Variants in SMURF1 observed in about 807,000 individuals in gnomAD.
SMURF1 encodes E3 ubiquitin-protein ligase SMURF1.
A neutral mutation model predicts 98.0 loss-of-function variants in SMURF1; 44 were observed. The observed-to-expected ratio is 0.45, with a 90% confidence interval of 0.35 to 0.58. The LOEUF is 0.58. SMURF1 is among the 20% of genes least tolerant of loss of function. SMURF1 has a pLI of 0.00. For synonymous variants in SMURF1, 396 were observed against 374.9 expected (o/e 1.06, Z -0.65); for missense variants, 687 against 938.4 (o/e 0.73, Z 3.50).
At chr7:99,098,387 G>GA (rs917829497) in intron 1 of SMURF1, among the ~76,000 whole-genome samples, 7 of 151,406 alleles carry the variant, frequency 4.6e-5, no homozygotes, top group Admixed American at 1.3e-4. Context: ...GGCTGGGAGG[G>GA]AAAAAAAATG....
chr7:99,083,137 T>C (rs1259154495), intron 1 of SMURF1, among the ~76,000 whole-genome samples: 1 of 152,178 alleles, frequency 6.6e-6, no homozygotes, highest in African/African-American at 2.4e-5. Flanking sequence ...CTATAATTGA[T>C]TGTGGTGACG....
chr7:99,038,698 G>A (rs1166818513), intron 13 of SMURF1, among the ~76,000 whole-genome samples, 173 bp from the exon 14 acceptor site: 6 of 152,172 alleles, frequency 3.9e-5, no homozygotes, highest in Admixed American at 3.9e-4. Context: ...AGGACCCTGA[G>A]ACCACAGCTC....
intron 1 of SMURF1, among the ~76,000 whole-genome samples, chr7:99,133,570 T>C (rs1797921882): frequency 6.6e-6 from 1 of 152,126 alleles, no homozygotes; most frequent in Non-Finnish European, 1.5e-5. Flanking sequence ...AAAATGTAAA[T>C]TGGTATAACC....
At chr7:99,085,676 T>C (rs1367048827) in intron 1 of SMURF1, among the ~76,000 whole-genome samples, 1 of 152,196 alleles carries the variant, frequency 6.6e-6, no homozygotes, top group Non-Finnish European at 1.5e-5. Flanking sequence ...TTTTGACAAA[T>C]GTAGAATGAC....
Position 99,127,699 on chromosome 7 carries a change from C to T in SMURF1, c.55+16027G>A, listed in dbSNP as rs191061723. Among the ~76,000 whole-genome samples the T allele has an allele frequency of 1.8e-4, 28 of 152,190 alleles. No homozygotes were observed. The East Asian group carries it at 4.6e-3, about 25-fold the overall frequency. On this transcript the variant is annotated intron_variant, in intron 1 of 17. Transcript: ENST00000361368. ...CTAAAATAATGTTTAGGCTTTGAGA[C>T]ATGCACTTCAAATTAACAAGTTGGG...
intron 1 of SMURF1, among the ~76,000 whole-genome samples, chr7:99,128,533 G>GT (rs1563042058): frequency 1.3e-5 from 2 of 152,154 alleles, no homozygotes; most frequent in Non-Finnish European, 2.9e-5. Context: ...TATGCTAAGC[G>GT]TATTACATAG....
intron 1 of SMURF1, among the ~76,000 whole-genome samples, chr7:99,068,913 G>T (rs532625667): frequency 6.6e-6 from 1 of 152,162 alleles, no homozygotes; most frequent in Non-Finnish European, 1.5e-5. Context: ...CATTTTGTCA[G>T]TGAAGCCTCA....
At chr7:99,065,280 G>A (rs953070594) in intron 1 of SMURF1, among the ~76,000 whole-genome samples, 1 of 151,990 alleles carries the variant, frequency 6.6e-6, no homozygotes, top group African/African-American at 2.4e-5. Flanking sequence ...TAGAAACGGG[G>A]TCTCAGTATG....
intron 1 of SMURF1, among the ~76,000 whole-genome samples, chr7:99,106,367 C>T (rs1797193745): frequency 6.6e-6 from 1 of 152,144 alleles, no homozygotes; most frequent in African/African-American, 2.4e-5. Flanking sequence ...ATCTAAAAAC[C>T]TATCATTAAG....
chr7:99,107,969 T>C (rs1287060834), intron 1 of SMURF1, among the ~76,000 whole-genome samples: 1 of 152,222 alleles, frequency 6.6e-6, no homozygotes, highest in Non-Finnish European at 1.5e-5. Context: ...GCTGACCTAA[T>C]TTGCCTATGT....
intron 1 of SMURF1, among the ~76,000 whole-genome samples, chr7:99,088,427 T>TC (rs1235340195): frequency 6.6e-6 from 1 of 151,180 alleles, no homozygotes; most frequent in Non-Finnish European, 1.5e-5. Flanking sequence ...CTAGTTCAAG[T>TC]CCCCCGTCCC....
chr7:99,076,910 G>C (rs71567519), intron 1 of SMURF1, among the ~76,000 whole-genome samples: 1 of 152,034 alleles, frequency 6.6e-6, no homozygotes, highest in African/African-American at 2.4e-5. Context: ...TGTGGGGGCG[G>C]AAGGGGTAAC....
At chr7:99,077,012 G>A (rs922096372) in intron 1 of SMURF1, among the ~76,000 whole-genome samples, 19 of 148,620 alleles carry the variant, frequency 1.3e-4, no homozygotes, top group Middle Eastern at 3.4e-3. Flanking sequence ...AAACAAAAAA[G>A]GTTACAGAAC....
intron 1 of SMURF1, among the ~76,000 whole-genome samples, chr7:99,113,837 TAAAAAAAAAAAA>T (rs71118659): frequency 3.5e-4 from 12 of 33,950 alleles, no homozygotes; most frequent in Admixed American, 1.9e-3. Flanking sequence ...AGACTCCGTC[TAAAAAAAAAAAA>T]AAAAAAAAAA....
At chr7:99,087,410 AAG>A (rs1172067320) in intron 1 of SMURF1, among the ~76,000 whole-genome samples, 1 of 152,142 alleles carries the variant, frequency 6.6e-6, no homozygotes, top group East Asian at 1.9e-4. Context: ...AATTAAACAC[AAG>A]AGTGATTTGA....
intron 12 of SMURF1, among the ~76,000 whole-genome samples, chr7:99,041,714 T>TAAGGGTGGC (rs1391281966): frequency 6.6e-6 from 1 of 152,220 alleles, no homozygotes; most frequent in Non-Finnish European, 1.5e-5. Flanking sequence ...ACCAGCACGC[T>TAAGGGTGGC]AAGGGTGGCA....
chr7:99,040,867 G>A (rs1404111598), intron 12 of SMURF1, among the ~76,000 whole-genome samples: 6 of 152,096 alleles, frequency 3.9e-5, no homozygotes, highest in African/African-American at 9.7e-5. Context: ...ACAGAGAATC[G>A]AACCAAGCCC....
chr7:99,056,801 G>A lies in SMURF1; in HGVS notation c.403+404C>T, dbSNP rs533960012. ...GCAGATCACTCGAGGTCAGGAAATC[G>A]AGACCAGCCTGGCCAACATGGTGAA... is the stretch of plus-strand genomic sequence containing the variant. On this transcript the variant is annotated intron_variant, in intron 5 of 17. Transcript: ENST00000361368. Among the ~76,000 whole-genome samples the A allele has an allele frequency of 2.5e-3, 384 of 152,104 alleles. 1 individual carries two copies. Among genetic ancestry groups the A allele is most frequent in the Non-Finnish European group, 4.3e-3 (294 of 67,994 alleles).
At chr7:99,057,582 TTG>T in intron 3 of SMURF1, 31 bp from the exon 4 acceptor site, 1 of 1,507,018 alleles carries the variant, frequency 6.6e-7, no homozygotes, top group South Asian at 1.3e-5. Flanking sequence ...TCATTTTTAA[TTG>T]TGTTTGGTTT....
Sources: allele counts gnomAD v4.1 joint callset (sites outside exome capture counted in the v4.1 genomes callset), GRCh38; gene constraint gnomAD v4.1.1; transcripts MANE v1.5; gene names NCBI Gene and HGNC (gene_info 2026-07-23, HGNC 2026-07-21).